The following DENND1A variants were observed in gnomAD, a reference collection of about 807,000 sequenced individuals.
DENND1A encodes DENN domain containing 1A.
A neutral mutation model predicts 113.7 loss-of-function variants in DENND1A; 51 were observed. The observed-to-expected ratio is 0.45, with a 90% CI of 0.36 to 0.57. The LOEUF is 0.57. Ranked by LOEUF, DENND1A falls within the 20% of genes least tolerant of loss-of-function variation. The pLI is 0.00. For synonymous variants in DENND1A, 565 were observed against 570.8 expected (o/e 0.99, Z 0.14); for missense variants, 1,258 against 1,395.9 (o/e 0.90, Z 1.57).
At chr9:123,725,571 G>A (rs377245266) in intron 5 of DENND1A, among the ~76,000 whole-genome samples, 22 of 152,356 alleles carry the variant, frequency 1.4e-4, no homozygotes, top group South Asian at 4.1e-4. Context: ...TTGCAAGGCC[G>A]CAGTTAACCA....
intron 14 of DENND1A, 142 bp downstream of exon 14, chr9:123,457,649 CTT>C: frequency 1.2e-6 from 1 of 825,062 alleles, no homozygotes; most frequent in Non-Finnish European, 1.9e-6. Flanking sequence ...TGACTGCTCT[CTT>C]CATCCAATCC....
intron 13 of DENND1A, among the ~76,000 whole-genome samples, chr9:123,525,978 A>G (rs949391630): frequency 3.3e-5 from 5 of 151,454 alleles, no homozygotes; most frequent in Non-Finnish European, 7.4e-5. Context: ...CTGGTCTCAA[A>G]CTCCTGGGCT....
intron 23 of DENND1A, among the ~76,000 whole-genome samples, chr9:123,383,235 G>A (rs904297191): frequency 2.6e-5 from 4 of 152,266 alleles, no homozygotes; most frequent in African/African-American, 9.6e-5. Flanking sequence ...TGGATTAGAC[G>A]TCACAGTGGG....
intron 2 of DENND1A, among the ~76,000 whole-genome samples, chr9:123,827,954 C>T (rs1015781218): frequency 3.3e-5 from 5 of 152,020 alleles, no homozygotes; most frequent in African/African-American, 1.2e-4. Flanking sequence ...TAAAATATAC[C>T]TGGTTTTGAA....
intron 2 of DENND1A, among the ~76,000 whole-genome samples, chr9:123,844,099 GATA>G (rs1842225170): frequency 2.4e-5 from 2 of 83,946 alleles, no homozygotes; most frequent in African/African-American, 3.7e-4. Context: ...CTAAAAAAAT[GATA>G]TAATTAATAT....
At chr9:123,640,624 C>A (rs189979744) in intron 9 of DENND1A, among the ~76,000 whole-genome samples, 2 of 152,338 alleles carry the variant, frequency 1.3e-5, no homozygotes, top group East Asian at 3.9e-4. Context: ...AGAGTCAAAT[C>A]GGGGTTTATG....
chr9:123,746,840 A>T lies in DENND1A; in HGVS notation c.302+10863T>A, dbSNP rs113103198. On this transcript the variant is annotated intron_variant, in intron 5 of 23. Coordinates refer to ENST00000394215, the MANE Select transcript of DENND1A (RefSeq NM_001352964.2). The stretch of plus-strand genomic sequence containing the variant: ...GGGACAACAGTTATCTTTACTCAAT[A>T]AGGATAATCAATATTGGCTATATTT... Among the ~76,000 whole-genome samples, 3 of 152,286 alleles carry T rather than the reference A, an allele frequency of 2.0e-5. 1 individual carries two copies. The highest frequency in any genetic ancestry group is 7.2e-5 in the African/African-American group (3 of 41,576).
intron 19 of DENND1A, among the ~76,000 whole-genome samples, chr9:123,434,082 G>A (rs1366497588): frequency 6.6e-6 from 1 of 152,140 alleles, no homozygotes; most frequent in Non-Finnish European, 1.5e-5. Context: ...GCTGGCGTGC[G>A]GTGGCACAAT....
intron 13 of DENND1A, among the ~76,000 whole-genome samples, chr9:123,535,237 C>T (rs533078230): frequency 6.6e-6 from 1 of 152,258 alleles, no homozygotes; most frequent in East Asian, 1.9e-4. Context: ...ATCATTCTAC[C>T]CTTCTGCTTA....
At chr9:123,397,545 C>T (rs1260734040) in intron 21 of DENND1A, among the ~76,000 whole-genome samples, 3 of 152,150 alleles carry the variant, frequency 2.0e-5, no homozygotes, top group Non-Finnish European at 4.4e-5. Flanking sequence ...GTTAGGCAGA[C>T]CATGAGCATA....
chr9:123,820,215 G>A (rs1192493975), intron 2 of DENND1A, among the ~76,000 whole-genome samples: 1 of 152,208 alleles, frequency 6.6e-6, no homozygotes, highest in Non-Finnish European at 1.5e-5. Flanking sequence ...CATCCCTATG[G>A]CACATGCCAA....
intron 13 of DENND1A, among the ~76,000 whole-genome samples, chr9:123,550,542 A>T (rs1311633870): frequency 2.0e-5 from 3 of 152,224 alleles, no homozygotes; most frequent in African/African-American, 7.2e-5. Flanking sequence ...AGGAACCCTC[A>T]CATGCACCGT....
intron 21 of DENND1A, among the ~76,000 whole-genome samples, chr9:123,394,392 T>C (rs1337588363): frequency 6.7e-6 from 1 of 149,538 alleles, no homozygotes; most frequent in Non-Finnish European, 1.5e-5. Flanking sequence ...AGGCTGGAGG[T>C]TGGCAGGGAC....
intron 10 of DENND1A, among the ~76,000 whole-genome samples, chr9:123,625,178 A>G (rs1159853890): frequency 6.6e-6 from 1 of 152,218 alleles, no homozygotes; most frequent in African/African-American, 2.4e-5. Flanking sequence ...ATAATACATA[A>G]CGTCTGTATC....
intron 2 of DENND1A, among the ~76,000 whole-genome samples, chr9:123,876,379 C>G (rs1268736106): frequency 6.6e-6 from 1 of 152,130 alleles, no homozygotes; most frequent in African/African-American, 2.4e-5. Context: ...ATATGGACAA[C>G]TGACATTATA....
intron 5 of DENND1A, among the ~76,000 whole-genome samples, chr9:123,703,329 T>C (rs2065990290): frequency 6.6e-6 from 1 of 152,236 alleles, no homozygotes; most frequent in Non-Finnish European, 1.5e-5. Flanking sequence ...ATGTAAATTA[T>C]GACATCAAAT....
chr9:123,876,545 G>C (rs1448420534), intron 2 of DENND1A, among the ~76,000 whole-genome samples: 3 of 152,138 alleles, frequency 2.0e-5, no homozygotes, highest in African/African-American at 7.2e-5. Flanking sequence ...CAATAATTCT[G>C]TGTGTGTATA....
intron 2 of DENND1A, among the ~76,000 whole-genome samples, chr9:123,808,314 G>A (rs779997177): frequency 1.3e-5 from 2 of 151,760 alleles, no homozygotes; most frequent in African/African-American, 2.4e-5. Flanking sequence ...CCTTTAGCAT[G>A]CATCAAAGTC....
At chr9:123,535,576 G>A (rs1027951906) in intron 13 of DENND1A, among the ~76,000 whole-genome samples, 14 of 152,210 alleles carry the variant, frequency 9.2e-5, no homozygotes, top group Non-Finnish European at 1.6e-4. Flanking sequence ...ATGCTGCCTT[G>A]TTTTCCATCT....
Sources: gnomAD v4.1 joint callset for allele counts (sites outside exome capture counted in the v4.1 genomes callset) on GRCh38, gnomAD v4.1.1 for gene constraint, MANE v1.5 for transcripts, NCBI Gene and HGNC (gene_info 2026-07-23, HGNC 2026-07-21) for gene names.